Variants in SEMA3D observed in about 807,000 individuals in gnomAD.
SEMA3D encodes the protein semaphorin-3D.
A neutral mutation model predicts 100.1 loss-of-function variants in SEMA3D; 84 were observed. The ratio of observed to expected loss-of-function variants is 0.84; its 90% CI spans 0.70 to 1.01. The LOEUF is 1.01. SEMA3D is among the 50% of genes least tolerant of loss of function. SEMA3D has a pLI of 0.00. For synonymous variants in SEMA3D, 312 were observed against 320.7 expected, an observed-to-expected ratio of 0.97 and a Z score of 0.29; for missense variants, 875 against 934.1, an observed-to-expected ratio of 0.94 and a Z score of 0.82.
At chr7:85,216,598 G>C in the SEMA3D span, among the ~76,000 whole-genome samples, 2 of 151,722 alleles carry the variant, frequency 1.3e-5, no homozygotes, top group African/African-American at 4.8e-5. Context: ...CTTAGAATTT[G>C]ACACCACTGT....
At chr7:85,100,910 C>T (rs1788723538) in intron 3 of SEMA3D, among the ~76,000 whole-genome samples, 1 of 151,902 alleles carries the variant, frequency 6.6e-6, no homozygotes, top group South Asian at 2.1e-4. Flanking sequence ...GTCTTACTAA[C>T]ATTTATGGAT....
upstream of SEMA3D, among the ~76,000 whole-genome samples, chr7:85,191,118 G>A (rs1791685721): frequency 6.6e-6 from 1 of 152,152 alleles, no homozygotes; most frequent in Non-Finnish European, 1.5e-5. Context: ...CAGCAGGAAT[G>A]TGCTTCAAAA....
At chr7:85,070,622 G>C (rs1030831991) in intron 6 of SEMA3D, among the ~76,000 whole-genome samples, 8 of 152,148 alleles carry the variant, frequency 5.3e-5, no homozygotes, top group African/African-American at 1.4e-4. Flanking sequence ...ACAATTACCT[G>C]TACGCCAGAC....
At chr7:85,236,916 T>A in the SEMA3D span, among the ~76,000 whole-genome samples, 1 of 152,184 alleles carries the variant, frequency 6.6e-6, no homozygotes, top group Admixed American at 6.5e-5. Flanking sequence ...TAATAAATTT[T>A]AATTTTTATG....
rs906262507 is a variant in SEMA3D, at chr7:85,040,806, T to C, written c.977-64A>G. The C allele has an allele frequency of 9.2e-6, 7 of 760,974 alleles. No individual in the cohort carries two copies. The Admixed American group carries it at 1.1e-4, about 12-fold the overall frequency. The allele number at this position is 760,974 out of a possible 1,614,324, so 47.1% of individuals were successfully genotyped here. A position where few individuals can be genotyped will look rare whatever the true frequency, so the allele number is the denominator to read the frequency against. On this transcript the variant is annotated intron_variant, in intron 10 of 18. Transcript: ENST00000284136. ...CAGTATTACATTGCTTTTTTGTTAA[T>C]AACACAACTGAAACTCTGAAAATCT...
At chr7:85,135,662 A>AATAC (rs1789842688) in intron 2 of SEMA3D, among the ~76,000 whole-genome samples, 1 of 149,616 alleles carries the variant, frequency 6.7e-6, no homozygotes, top group Non-Finnish European at 1.5e-5. Context: ...TAATAAAATA[A>AATAC]ATAAATAAAT....
intron 3 of SEMA3D, among the ~76,000 whole-genome samples, chr7:85,116,150 C>T (rs11971371): frequency 0.54 from 80,287 of 149,886 alleles, 22,310 homozygotes; most frequent in African/African-American, 0.68. Flanking sequence ...AACTTGTTTT[C>T]TATTATCAAT....
intron 17 of SEMA3D, among the ~76,000 whole-genome samples, chr7:85,010,456 G>C (rs1334305131): frequency 6.6e-6 from 1 of 151,804 alleles, no homozygotes; most frequent in Non-Finnish European, 1.5e-5. Context: ...GAGGCAGAGA[G>C]ACCAGTGAAG....
At chr7:85,243,727 C>T in the SEMA3D span, among the ~76,000 whole-genome samples, 27 of 152,196 alleles carry the variant, frequency 1.8e-4, no homozygotes, top group African/African-American at 5.8e-4. Context: ...GTGAAGTCTA[C>T]GGAATGTTTT....
At chr7:85,216,885 C>G in the SEMA3D span, among the ~76,000 whole-genome samples, 1 of 151,694 alleles carries the variant, frequency 6.6e-6, no homozygotes, top group East Asian at 1.9e-4. Flanking sequence ...CTCCCACCCC[C>G]AAATTATATA....
At chr7:85,168,259 T>C (rs1562842784) in intron 1 of SEMA3D, among the ~76,000 whole-genome samples, 2 of 151,862 alleles carry the variant, frequency 1.3e-5, no homozygotes, top group Admixed American at 1.3e-4. Flanking sequence ...AGTCAGACAG[T>C]AGTCCCAAGA....
At chr7:85,161,608 T>G (rs1790747601) in intron 1 of SEMA3D, among the ~76,000 whole-genome samples, 1 of 151,950 alleles carries the variant, frequency 6.6e-6, no homozygotes, top group Non-Finnish European at 1.5e-5. Context: ...CAACTACCAT[T>G]CACGTAGGAG....
At chr7:85,186,270 G>C (rs901793856) in intron 1 of SEMA3D, among the ~76,000 whole-genome samples, 3 of 152,176 alleles carry the variant, frequency 2.0e-5, no homozygotes, top group African/African-American at 7.2e-5. Flanking sequence ...GCGGAAGCCG[G>C]GGACACATTC....
intron 3 of SEMA3D, among the ~76,000 whole-genome samples, chr7:85,107,792 C>A (rs1231424134): frequency 6.6e-6 from 1 of 151,964 alleles, no homozygotes; most frequent in East Asian, 1.9e-4. Context: ...AAATTTAAAG[C>A]CTTATAGATT....
the SEMA3D span, among the ~76,000 whole-genome samples, chr7:85,237,591 C>T: frequency 6.6e-6 from 1 of 152,140 alleles, no homozygotes; most frequent in Admixed American, 6.5e-5. Context: ...AAATTTCCTT[C>T]TTGTCTCTTC....
chr7:85,153,403 T>TGTA (rs1790489218), intron 2 of SEMA3D, among the ~76,000 whole-genome samples: 1 of 152,150 alleles, frequency 6.6e-6, no homozygotes, highest in African/African-American at 2.4e-5. Flanking sequence ...TAACATTGTA[T>TGTA]GTAGTATGGA....
At chr7:85,233,921 G>C in the SEMA3D span, among the ~76,000 whole-genome samples, 1 of 152,186 alleles carries the variant, frequency 6.6e-6, no homozygotes, top group Non-Finnish European at 1.5e-5. Flanking sequence ...GTCTAGATCA[G>C]GGGAAAATGC....
intron 12 of SEMA3D, among the ~76,000 whole-genome samples, chr7:85,034,770 C>A (rs1471863827): frequency 6.6e-6 from 1 of 151,988 alleles, no homozygotes; most frequent in Non-Finnish European, 1.5e-5. Flanking sequence ...AGGTATCACT[C>A]CACATCTGTC....
chr7:85,067,039 A>G (rs557112882), intron 7 of SEMA3D, among the ~76,000 whole-genome samples: 49 of 152,110 alleles, frequency 3.2e-4, no homozygotes, highest in Non-Finnish European at 8.8e-5. Flanking sequence ...GCAATATTTC[A>G]TTGTGGGCAT....
Sources: allele counts gnomAD v4.1 joint callset (sites outside exome capture counted in the v4.1 genomes callset), GRCh38; gene constraint gnomAD v4.1.1; transcripts MANE v1.5; gene names NCBI Gene and HGNC (gene_info 2026-07-23, HGNC 2026-07-21).